RANBP10: variants seen among roughly 807,000 people sequenced by gnomAD.
RANBP10 encodes the protein ran-binding protein 10.
In RANBP10, 24 loss-of-function variants were observed where a neutral mutation model predicts 72.8. The ratio of observed to expected loss-of-function variants is 0.33; its 90% CI spans 0.24 to 0.46. The LOEUF (loss-of-function observed/expected upper bound fraction) is 0.46. Among genes scored for constraint, RANBP10 ranks in the 20% least tolerant of loss-of-function variants. The pLI is 1.00. For missense variants in RANBP10, 679 were observed against 817.5 expected, an observed-to-expected ratio of 0.83 and a Z score of 2.07; for synonymous variants, 310 against 322.3, an observed-to-expected ratio of 0.96 and a Z score of 0.41.
intron 2 of RANBP10, among the ~76,000 whole-genome samples, chr16:67,782,348 A>C (rs2054828316): frequency 6.6e-6 from 1 of 152,086 alleles, no homozygotes; most frequent in Non-Finnish European, 1.5e-5. Context: ...GCTAGTCTTG[A>C]ACCCCTGAGC....
chr16:67,748,690 G>GA (rs1361183574), intron 3 of RANBP10, among the ~76,000 whole-genome samples: 1 of 152,134 alleles, frequency 6.6e-6, no homozygotes, highest in Non-Finnish European at 1.5e-5. Flanking sequence ...AGAGGGGAGT[G>GA]AAAAAGGAAG....
intron 2 of RANBP10, among the ~76,000 whole-genome samples, chr16:67,798,231 C>G (rs996617635): frequency 2.0e-5 from 3 of 152,114 alleles, no homozygotes; most frequent in Non-Finnish European, 4.4e-5. Context: ...ACGGCCTGTA[C>G]CTACCTTGGG....
At chr16:67,786,860 GTGGT>G (rs1338013977) in intron 2 of RANBP10, among the ~76,000 whole-genome samples, 1 of 150,314 alleles carries the variant, frequency 6.7e-6, no homozygotes, top group Non-Finnish European at 1.5e-5. Context: ...CAGGGAGGTG[GTGGT>G]TGAAGTGAGC....
chr16:67,732,150 G>A (rs758006137), intron 6 of RANBP10, among the ~76,000 whole-genome samples: 2 of 152,146 alleles, frequency 1.3e-5, no homozygotes, highest in Non-Finnish European at 2.9e-5. Context: ...TGAGTGATGG[G>A]AAGCTAACTC....
intron 6 of RANBP10, among the ~76,000 whole-genome samples, chr16:67,732,795 C>T (rs964262232): frequency 6.6e-6 from 1 of 151,880 alleles, no homozygotes; most frequent in African/African-American, 2.4e-5. Context: ...TGCCTGTAAT[C>T]CCAGCACTTT....
In RANBP10 at chr16:67,731,473, T is replaced by C. The variant is rs1237991547; in HGVS notation, c.888A>G (p.Gln296=). 1 of 1,609,874 alleles carries C rather than the reference T, an allele frequency of 6.2e-7. No individual in the cohort carries two copies. The highest frequency in any genetic ancestry group is 1.7e-5 in the Admixed American group (1 of 60,022). ...QEEQASIKNR[Q]KIQKLVLEGR... Reference sequence around the variant, plus strand: ...AGGGGAAAGTAGAATAAACCTTACTTTGTCTGTTCTTTATGGACGCCTGTT... The same window carrying C: ...AGGGGAAAGTAGAATAAACCTTACTCTGTCTGTTCTTTATGGACGCCTGTT... The change falls in exon 7 of 14, where the codon CAA becomes CAG. Residue 296 remains glutamine (Q), a splice_region_variant and synonymous_variant. Coordinates refer to ENST00000317506, the MANE Select transcript of RANBP10 (RefSeq NM_020850.3).
intron 3 of RANBP10, among the ~76,000 whole-genome samples, chr16:67,766,538 A>G (rs527423417): frequency 4.1e-4 from 62 of 152,162 alleles, no homozygotes; most frequent in African/African-American, 1.5e-3. Context: ...TTTGAAAAGG[A>G]GTCTGGTACC....
intron 2 of RANBP10, among the ~76,000 whole-genome samples, chr16:67,777,848 C>T (rs1218355498): frequency 3.9e-5 from 6 of 152,144 alleles, no homozygotes; most frequent in African/African-American, 1.4e-4. Flanking sequence ...TTTCTGATTT[C>T]AAAACTTACT....
chr16:67,797,989 C>CAAAAA (rs56801646), intron 2 of RANBP10, among the ~76,000 whole-genome samples: 3 of 43,846 alleles, frequency 6.8e-5, no homozygotes, highest in Non-Finnish European at 9.4e-5. Context: ...GACCCTCTCT[C>CAAAAA]AAAAAAAAAA....
At chr16:67,797,989 C>CAA (rs56801646) in intron 2 of RANBP10, among the ~76,000 whole-genome samples, 1,732 of 42,938 alleles carry the variant, frequency 0.04, 40 homozygotes, top group Middle Eastern at 0.14. Context: ...GACCCTCTCT[C>CAA]AAAAAAAAAA....
rs7199913 is a variant in RANBP10 at position 67,756,408 on chromosome 16, C to A, written c.401-11953G>T. ...CCCACGGCTGACCAGGACACAGGGG[C>A]CAGCTACGTCTCCCTCACAAAGATA... On this transcript the variant is annotated intron_variant, in intron 3 of 13. Transcript: ENST00000317506. Among the ~76,000 whole-genome samples, 900 of 152,358 alleles carry A rather than the reference C, an allele frequency of 5.9e-3. 6 individuals carry two copies. Among genetic ancestry groups the A allele is most frequent in the African/African-American group, 0.02 (842 of 41,580 alleles).
At chr16:67,727,034 C>T (rs1255623444) in intron 13 of RANBP10, among the ~76,000 whole-genome samples, 1 of 152,238 alleles carries the variant, frequency 6.6e-6, no homozygotes, top group Non-Finnish European at 1.5e-5. Flanking sequence ...GTGGCTCACA[C>T]CTGTAATCCC....
chr16:67,806,163 C>A, intron 1 of RANBP10, 139 bp downstream of exon 1: 1 of 823,926 alleles, frequency 1.2e-6, no homozygotes, highest in East Asian at 2.7e-5. Context: ...AGCCTCACCA[C>A]CCTGGACATC....
chr16:67,731,605 C>A, intron 6 of RANBP10, 21 bp from the exon 7 acceptor site: 1 of 1,581,936 alleles, frequency 6.3e-7, no homozygotes, highest in Non-Finnish European at 8.7e-7. Context: ...GGAAGAGCTT[C>A]AGGTGACACT....
chr16:67,798,452 T>C (rs904359860), intron 2 of RANBP10, among the ~76,000 whole-genome samples: 1 of 152,188 alleles, frequency 6.6e-6, no homozygotes, highest in South Asian at 2.1e-4. Context: ...GGTGAGATCT[T>C]AATCAAGATA....
At chr16:67,795,411 C>T (rs28885472) in intron 2 of RANBP10, among the ~76,000 whole-genome samples, 20,931 of 149,598 alleles carry the variant, frequency 0.14, 2,940 homozygotes, top group African/African-American at 0.37. Context: ...TGGTGGTGCA[C>T]GCCTGTAATC....
At chr16:67,736,846 C>G (rs2053857529) in intron 5 of RANBP10, among the ~76,000 whole-genome samples, 1 of 152,214 alleles carries the variant, frequency 6.6e-6, no homozygotes, top group African/African-American at 2.4e-5. Context: ...GAGGTTTTAA[C>G]AGGACCCTGG....
intron 2 of RANBP10, among the ~76,000 whole-genome samples, chr16:67,799,966 C>A (rs2055205272): frequency 6.6e-6 from 1 of 152,028 alleles, no homozygotes; most frequent in Admixed American, 6.6e-5. Context: ...ACTAAAAATA[C>A]AAAAACTAGC....
intron 3 of RANBP10, among the ~76,000 whole-genome samples, chr16:67,748,606 G>A (rs992016697): frequency 1.3e-5 from 2 of 151,982 alleles, no homozygotes; most frequent in Non-Finnish European, 2.9e-5. Flanking sequence ...GTCTTTCTAT[G>A]TTGCCCAGGC....
Sources: allele counts gnomAD v4.1 joint callset (sites outside exome capture counted in the v4.1 genomes callset), GRCh38; gene constraint gnomAD v4.1.1; transcripts MANE v1.5; gene names NCBI Gene and HGNC (gene_info 2026-07-23, HGNC 2026-07-21).